GRK5: variants seen among roughly 807,000 people sequenced by gnomAD.
The protein encoded by GRK5 is G protein-coupled receptor kinase 5.
Under a neutral mutation model 78.4 loss-of-function variants are expected in GRK5, and 40 were observed. That is an observed-to-expected ratio of 0.51 (90% CI 0.40 to 0.66). The LOEUF is 0.66. GRK5 is among the 30% of genes least tolerant of loss of function. The probability of loss-of-function intolerance (pLI) is 0.00; values close to 1 mark genes in which losing one functional copy is unlikely to be tolerated. For missense variants in GRK5, 598 were observed against 759.9 expected, an observed-to-expected ratio of 0.79 and a Z score of 2.50; for synonymous variants, 289 against 296.8, an observed-to-expected ratio of 0.97 and a Z score of 0.27.
At chr10:119,214,259 GC>G (rs978095847) in intron 1 of GRK5, among the ~76,000 whole-genome samples, 1 of 152,336 alleles carries the variant, frequency 6.6e-6, no homozygotes, top group African/African-American at 2.4e-5. Flanking sequence ...ACAGGCATGA[GC>G]CACTGCACTC....
chr10:119,342,100 G>A (rs933984723), intron 2 of GRK5, among the ~76,000 whole-genome samples: 2 of 152,200 alleles, frequency 1.3e-5, no homozygotes, highest in African/African-American at 2.4e-5. Flanking sequence ...AGGCGAGATG[G>A]GCACAGGCAC....
intron 5 of GRK5, among the ~76,000 whole-genome samples, chr10:119,423,803 A>G (rs771045843): frequency 3.3e-5 from 5 of 151,626 alleles, no homozygotes; most frequent in African/African-American, 4.8e-5. Flanking sequence ...ACACGCAAGC[A>G]CACACACACA....
chr10:119,320,701 A>T (rs900660579), intron 1 of GRK5, among the ~76,000 whole-genome samples: 1 of 152,234 alleles, frequency 6.6e-6, no homozygotes, highest in Non-Finnish European at 1.5e-5. Flanking sequence ...CCCTGAGAGC[A>T]GAGGCAGGGA....
intron 12 of GRK5, 119 bp from the exon 13 acceptor site, chr10:119,448,004 T>G: frequency 3.9e-6 from 5 of 1,271,366 alleles, no homozygotes; most frequent in Non-Finnish European, 5.3e-6. Flanking sequence ...AGCAAGACCT[T>G]TGCAGGGTGG....
chr10:119,357,600 G>C (rs1425388458), intron 2 of GRK5, among the ~76,000 whole-genome samples: 1 of 152,202 alleles, frequency 6.6e-6, no homozygotes, highest in Non-Finnish European at 1.5e-5. Flanking sequence ...CTGCATCCAG[G>C]TGCCAGGGAA....
At chr10:119,356,543 C>A (rs754854503) in intron 2 of GRK5, among the ~76,000 whole-genome samples, 2 of 152,152 alleles carry the variant, frequency 1.3e-5, no homozygotes, top group Non-Finnish European at 2.9e-5. Flanking sequence ...GTTTGTCTAT[C>A]TTCTTGATGC....
intron 1 of GRK5, among the ~76,000 whole-genome samples, chr10:119,224,584 A>AT (rs935943948): frequency 3.1e-4 from 46 of 149,446 alleles, no homozygotes; most frequent in South Asian, 1.5e-3. Context: ...TAACTTTTGC[A>AT]TTTTTTTTTA....
chr10:119,366,621 C>T (rs1031781783), intron 2 of GRK5, among the ~76,000 whole-genome samples: 2 of 152,148 alleles, frequency 1.3e-5, no homozygotes, highest in Non-Finnish European at 2.9e-5. Context: ...ATAGCCAGCC[C>T]CAAAGCTGCC....
chr10:119,209,489 T>G (rs373187631), intron 1 of GRK5, among the ~76,000 whole-genome samples: 32 of 23,578 alleles, frequency 1.4e-3, no homozygotes, highest in African/African-American at 0.011. Flanking sequence ...TGTGTGTGGT[T>G]TTTTTTTTTT....
rs544831120 is a variant in GRK5, at chr10:119,282,307, C to T, written c.53-44209C>T. On this transcript the variant is annotated intron_variant, in intron 1 of 15. Coordinates refer to ENST00000392870, the MANE Select transcript of GRK5 (RefSeq NM_005308.3). ...CTGGACCATTCTCCCAGGTCTTCAC[C>T]AGGCCAGTTCCTCCTGGAGCTCCAG... Among the ~76,000 whole-genome samples, 4 of 152,318 alleles carry T rather than the reference C, an allele frequency of 2.6e-5. No individual in the cohort carries two copies. In the South Asian group the frequency reaches 6.2e-4, roughly 24 times the overall value.
rs77946607 is a variant in GRK5 at position 119,398,040 on chromosome 10, T to C, written c.339+1268T>C. On this transcript the variant is annotated intron_variant, in intron 4 of 15. Coordinates refer to ENST00000392870, the MANE Select transcript of GRK5 (RefSeq NM_005308.3). ...AACACTTCTAGGCATAGAATAGGGC[T>C]AGTTTGCTCTGGACAAGGTGTGGCC... Among the ~76,000 whole-genome samples the C allele has an allele frequency of 9.3e-3, 1,424 of 152,322 alleles. 22 individuals are homozygous for C. Among genetic ancestry groups the C allele is most frequent in the African/African-American group, 0.033 (1,365 of 41,574 alleles).
chr10:119,363,319 G>A (rs1383568668), intron 2 of GRK5, among the ~76,000 whole-genome samples: 1 of 151,592 alleles, frequency 6.6e-6, no homozygotes, highest in Admixed American at 6.6e-5. Flanking sequence ...TTCTGAGGAC[G>A]AACCTTGCAC....
chr10:119,262,372 T>G (rs971903848), intron 1 of GRK5, among the ~76,000 whole-genome samples: 1 of 137,758 alleles, frequency 7.3e-6, no homozygotes, highest in Admixed American at 7.7e-5. Flanking sequence ...GGAGTCTCCC[T>G]CTGTTGCCCA....
chr10:119,435,209 G>A (rs1415278879), intron 8 of GRK5, among the ~76,000 whole-genome samples: 1 of 152,240 alleles, frequency 6.6e-6, no homozygotes, highest in African/African-American at 2.4e-5. Flanking sequence ...GACATGCCCT[G>A]TAGACATTTT....
intron 1 of GRK5, among the ~76,000 whole-genome samples, chr10:119,266,460 C>A (rs1269976305): frequency 6.6e-6 from 1 of 150,796 alleles, no homozygotes; most frequent in East Asian, 2.0e-4. Flanking sequence ...TAGACTCCGT[C>A]TCAAAAAAAA....
At chr10:119,384,563 C>A (rs1851762396) in intron 3 of GRK5, among the ~76,000 whole-genome samples, 1 of 152,234 alleles carries the variant, frequency 6.6e-6, no homozygotes, top group Non-Finnish European at 1.5e-5. Context: ...TGGAATAGCA[C>A]TGAGGCTCAG....
At chr10:119,394,851 G>GGGTGTGAGTATC (rs1852016519) in intron 3 of GRK5, among the ~76,000 whole-genome samples, 1 of 144,580 alleles carries the variant, frequency 6.9e-6, no homozygotes, top group African/African-American at 2.5e-5. Context: ...ACGTGTGTGT[G>GGGTGTGAGTATC]CACACATGTG....
intron 2 of GRK5, among the ~76,000 whole-genome samples, chr10:119,359,275 C>T (rs967552260): frequency 6.6e-6 from 1 of 152,192 alleles, no homozygotes; most frequent in Admixed American, 6.5e-5. Flanking sequence ...AGTACATGCC[C>T]TTACGGGGGC....
At chr10:119,313,080 GTGGTGGTGATGGTGGTGA>G (rs1456748830) in intron 1 of GRK5, among the ~76,000 whole-genome samples, 2 of 149,128 alleles carry the variant, frequency 1.3e-5, no homozygotes, top group African/African-American at 2.5e-5. Flanking sequence ...GATGGTGGTG[GTGGTGGTGATGGTGGTGA>G]TGGTAATGAT....
Sources: allele counts gnomAD v4.1 joint callset (sites outside exome capture counted in the v4.1 genomes callset), GRCh38; gene constraint gnomAD v4.1.1; transcripts MANE v1.5; gene names NCBI Gene and HGNC (gene_info 2026-07-23, HGNC 2026-07-21).